Variants in CNKSR1 observed in about 807,000 individuals in gnomAD.
CNKSR1 encodes the protein CNK homolog protein 1.
Under a neutral mutation model 95.6 loss-of-function variants are expected in CNKSR1, and 88 were observed. The ratio of observed to expected loss-of-function variants is 0.92; its 90% CI spans 0.78 to 1.10. The LOEUF is 1.10. Ranked by LOEUF, CNKSR1 falls within the 50% of genes least tolerant of loss-of-function variation. CNKSR1 has a pLI of 0.00. For synonymous variants in CNKSR1, 355 were observed against 369.7 expected, an observed-to-expected ratio of 0.96 and a Z score of 0.46; for missense variants, 836 against 912.0, an observed-to-expected ratio of 0.92 and a Z score of 1.07.
At chr1:26,187,615 T>A in intron 16 of CNKSR1, 133 bp downstream of exon 16, 1 of 734,770 alleles carries the variant, frequency 1.4e-6, no homozygotes, top group Admixed American at 2.6e-5. Context: ...CTCACTTCTC[T>A]TTCTCTTTTT....
intron 1 of CNKSR1, among the ~76,000 whole-genome samples, chr1:26,178,215 A>G (rs2088593406): frequency 6.6e-6 from 1 of 151,924 alleles, no homozygotes; most frequent in African/African-American, 2.4e-5. Flanking sequence ...CACCCACTGT[A>G]TCTCCTTCAT....
rs753638365 is a variant in CNKSR1 at position 26,189,675 on chromosome 1, C to T, written c.*127C>T. 1.3e-6 allele frequency: 1 copy of T among 777,556 alleles called. No homozygotes were observed. Among genetic ancestry groups the T allele is most frequent in the East Asian group, 2.4e-5 (1 of 41,190 alleles). The allele number at this position is 777,556 out of a possible 1,614,324, so 48.2% of individuals were successfully genotyped here. A position where few individuals can be genotyped will look rare whatever the true frequency, so the allele number is the denominator to read the frequency against. ...GGGAAGTAGTACTGCTAGTCATGGT[C>T]TCACCCCGAGCTGACCCCTCTGCCT... On this transcript the variant is annotated 3_prime_UTR_variant, in exon 21 of 21. Coordinates refer to ENST00000361530, the MANE Select transcript of CNKSR1 (RefSeq NM_006314.3).
Position 26,181,861 on chromosome 1 carries a change from C to T in CNKSR1, c.397C>T (p.Leu133Phe), listed in dbSNP as rs753149249. 6 of 1,614,088 alleles carry T rather than the reference C, an allele frequency of 3.7e-6. No individual in the cohort carries two copies. The East Asian group carries it at 1.3e-4, about 36-fold the overall frequency. The part of the protein sequence containing the change: ...DALLFWLSRY[L>F]FSHLNDFSAC... ...GTGCTATTCTTCCCCTGCCAGGTAC[C>T]TCTTCTCCCACTTAAATGATTTCTC... is the stretch of plus-strand genomic sequence containing the variant. The change falls in exon 4 of 21, where the codon CTC becomes TTC. Residue 133 changes from leucine to phenylalanine, a missense_variant. Coordinates refer to ENST00000361530, the MANE Select transcript of CNKSR1 (RefSeq NM_006314.3).
At chr1:26,182,060 A>T in intron 4 of CNKSR1, 119 bp downstream of exon 4, 1 of 1,004,446 alleles carries the variant, frequency 1.0e-6, no homozygotes, top group South Asian at 1.3e-5. Flanking sequence ...GCGAGAAAGG[A>T]GGAGAGGAGG....
Position 26,183,258 on chromosome 1 carries a change from T to C in CNKSR1, c.684+2T>C. ...TTTGTGTCCCAAGTGGACACCCAGG[T>C]GAGAGCCCCACACCCTTCTCAGCCG... On this transcript the variant is annotated splice_donor_variant, in intron 7 of 20. Coordinates refer to ENST00000361530, the MANE Select transcript of CNKSR1 (RefSeq NM_006314.3). LOFTEE classifies it high-confidence loss of function. 1 of 1,614,036 alleles carries C rather than the reference T, an allele frequency of 6.2e-7. No individual in the cohort carries two copies. Among genetic ancestry groups the C allele is most frequent in the Non-Finnish European group, 8.5e-7 (1 of 1,179,984 alleles).
At chr1:26,188,155 T>C (rs1376821715) in intron 16 of CNKSR1, 79 bp from the exon 17 acceptor site, 1 of 1,177,330 alleles carries the variant, frequency 8.5e-7, no homozygotes, top group Non-Finnish European at 1.3e-6. Context: ...CATTAGAAGA[T>C]GATGTGGGTA....
chr1:26,182,288 T>A, intron 4 of CNKSR1, 73 bp from the exon 5 acceptor site: 1 of 1,495,290 alleles, frequency 6.7e-7, no homozygotes, highest in Non-Finnish European at 9.3e-7. Flanking sequence ...AATCCCACCC[T>A]GCCCCCAGGA....
rs777007886 is a variant in CNKSR1 at position 26,183,272 on chromosome 1, C to T, written c.684+16C>T. Reference sequence around the variant, plus strand: ...GGACACCCAGGTGAGAGCCCCACACCCTTCTCAGCCGCCCATCCCCGAGGC... The same window carrying T: ...GGACACCCAGGTGAGAGCCCCACACTCTTCTCAGCCGCCCATCCCCGAGGC... On this transcript the variant is annotated intron_variant, in intron 7 of 20. Transcript: ENST00000361530. 1 of 1,614,186 alleles carries T rather than the reference C, an allele frequency of 6.2e-7. No homozygotes were observed. The highest frequency in any genetic ancestry group is 1.1e-5 in the South Asian group (1 of 91,084).
Position 26,189,258 on chromosome 1 carries a change from T to C in CNKSR1, c.1873-21T>C, listed in dbSNP as rs1314165677. On this transcript the variant is annotated intron_variant, in intron 20 of 20. Coordinates refer to ENST00000361530, the MANE Select transcript of CNKSR1 (RefSeq NM_006314.3). Reference sequence around the variant, plus strand: ...ACTTCCCTGGGTGATCATGGTCCCTTAGCCCCTCCTCTCCACACAGGCAAA... The same window carrying C: ...ACTTCCCTGGGTGATCATGGTCCCTCAGCCCCTCCTCTCCACACAGGCAAA... 4.3e-6 allele frequency: 7 copies of C among 1,613,772 alleles called. No homozygotes were observed. In the Admixed American group the frequency reaches 5.0e-5, roughly 12 times the overall value.
intron 14 of CNKSR1, among the ~76,000 whole-genome samples, chr1:26,186,734 A>G (rs926988088): frequency 1.3e-5 from 2 of 152,042 alleles, no homozygotes; most frequent in Admixed American, 1.3e-4. Context: ...TCAGCCTCCC[A>G]AAGTGCTGGG....
In CNKSR1 at chr1:26,183,813, C is replaced by G; in HGVS notation, c.838C>G (p.Pro280Ala). The change falls in exon 9 of 21, where the codon CCG (proline) becomes GCG (alanine). Residue 280 changes from proline (P) to alanine (A), a missense_variant. Transcript: ENST00000361530. Reference sequence around the variant, plus strand: ...CTTAGTGCTGAAGAAGATCCCGATACCGGAGACCCCCCCACAGGTACCTTC... The same window carrying G: ...CTTAGTGCTGAAGAAGATCCCGATAGCGGAGACCCCCCCACAGGTACCTTC... ...LSLVLKKIPI[P>A]ETPPQTPPQV... 6.2e-7 allele frequency: 1 copy of G among 1,607,862 alleles called. No homozygotes were observed. Among genetic ancestry groups the G allele is most frequent in the Non-Finnish European group, 8.5e-7 (1 of 1,175,596 alleles).
chr1:26,178,834 G>T (rs181693178), intron 1 of CNKSR1, among the ~76,000 whole-genome samples: 1 of 152,198 alleles, frequency 6.6e-6, no homozygotes, highest in Non-Finnish European at 1.5e-5. Context: ...TACAGTCACC[G>T]TGCAGGAAGG....
chr1:26,183,565 T>TCTCA lies in CNKSR1; in HGVS notation c.753+151_753+152insCTCA. ...AGCTAAGTCTGGTGAGAGCATCCTC[T>TCTCA]GCAGAGCCCAGGTGATGGGGCCCAT... On this transcript the variant is annotated intron_variant, in intron 8 of 20. Coordinates refer to ENST00000361530, the MANE Select transcript of CNKSR1 (RefSeq NM_006314.3). 3 of 1,027,036 alleles carry TCTCA rather than the reference T, an allele frequency of 2.9e-6. No homozygotes were observed. In the East Asian group the frequency reaches 7.3e-5, roughly 25 times the overall value. 63.6% of individuals were successfully genotyped at this position (1,027,036 alleles called of 1,614,324 possible).
At chr1:26,183,968 A>T (rs1221595685) in intron 9 of CNKSR1, 103 bp from the exon 10 acceptor site, 15 of 514,276 alleles carry the variant, frequency 2.9e-5, no homozygotes, top group Non-Finnish European at 4.7e-5. Flanking sequence ...CTCCCTTCAG[A>T]CCCCCCCACA....
rs1557624785 is a variant in CNKSR1, at chr1:26,187,321, T to A, written c.1382+80T>A. The A allele has an allele frequency of 1.7e-5, 27 of 1,591,214 alleles. 1 individual carries two copies. The highest frequency in any genetic ancestry group is 2.2e-5 in the Non-Finnish European group (25 of 1,159,198). On this transcript the variant is annotated intron_variant, in intron 15 of 20. Transcript: ENST00000361530. The stretch of plus-strand genomic sequence containing the variant: ...GGTGATGGGGTAGCAGTGGGAGGTG[T>A]GGCAAGTGGCTGGGGCGCCCAGAAT...
chr1:26,183,096 C>T (rs2088674093), intron 6 of CNKSR1, 101 bp from the exon 7 acceptor site: 3 of 1,223,296 alleles, frequency 2.5e-6, no homozygotes, highest in African/African-American at 1.5e-5. Context: ...CAGCTCTTGC[C>T]ACAGTTCCAC....
rs753460861 is a variant in CNKSR1, at chr1:26,183,240, C to T, written c.668C>T (p.Ser223Phe). The T allele has an allele frequency of 1.2e-6, 2 of 1,614,068 alleles. No individual in the cohort carries two copies. The highest frequency in any genetic ancestry group is 1.3e-5 in the African/African-American group (1 of 75,050). ...HTTSNCQHFV[S>F]QVDTQVPTDS... ...ACCAGCAATTGCCAGCACTTTGTGT[C>T]CCAAGTGGACACCCAGGTGAGAGCC... Residue 223 changes from serine to phenylalanine, a missense_variant, in exon 7 of 21, where the codon TCC becomes TTC. By Grantham distance (155) the Ser-to-Phe change is radical. Coordinates refer to ENST00000361530, the MANE Select transcript of CNKSR1 (RefSeq NM_006314.3).
At chr1:26,181,553 T>C (rs1454978744) in intron 3 of CNKSR1, 2 of 338,830 alleles carry the variant, frequency 5.9e-6, no homozygotes, top group Admixed American at 3.9e-5. Context: ...TAATAACTTA[T>C]TATAAACTCA....
At chr1:26,181,836 G>A in intron 3 of CNKSR1, 21 bp from the exon 4 acceptor site, 1 of 1,611,574 alleles carries the variant, frequency 6.2e-7, no homozygotes, top group Non-Finnish European at 8.5e-7. Flanking sequence ...CTTAACCACT[G>A]TGCTATTCTT....
Sources: allele counts gnomAD v4.1 joint callset (sites outside exome capture counted in the v4.1 genomes callset), GRCh38; gene constraint gnomAD v4.1.1; transcripts MANE v1.5; gene names NCBI Gene and HGNC (gene_info 2026-07-23, HGNC 2026-07-21).